Variants in FAM193A observed in about 807,000 individuals in gnomAD.
FAM193A encodes the protein family with sequence similarity 193 member A.
In FAM193A, 22 loss-of-function variants were observed where a neutral mutation model predicts 126.5. The ratio of observed to expected loss-of-function variants is 0.17; its 90% confidence interval spans 0.12 to 0.25. The LOEUF (loss-of-function observed/expected upper bound fraction) is 0.25, where lower values mean the gene tolerates loss of function less well. FAM193A is among the 10% of genes least tolerant of loss of function. The pLI, the probability that FAM193A is intolerant of heterozygous loss-of-function variation, is 1.00. For missense variants in FAM193A, 1,675 were observed against 1,672.8 expected (o/e 1.00, Z -0.02); for synonymous variants, 761 against 646.8 (o/e 1.18, Z -2.68).
chr4:2,696,765 G>T (rs1313059622), intron 18 of FAM193A, among the ~76,000 whole-genome samples, 172 bp downstream of exon 18: 1 of 152,192 alleles, frequency 6.6e-6, no homozygotes, highest in East Asian at 1.9e-4. Context: ...GCCTGAACTG[G>T]AGACTGGTAA....
At chr4:2,709,108 A>G (rs542101298) in intron 19 of FAM193A, among the ~76,000 whole-genome samples, 43 of 152,216 alleles carry the variant, frequency 2.8e-4, no homozygotes, top group Middle Eastern at 3.4e-3. Context: ...TTTCATTAGG[A>G]ATGGGTGTTA....
At chr4:2,705,648 G>A (rs1718218884) in intron 19 of FAM193A, among the ~76,000 whole-genome samples, 1 of 151,806 alleles carries the variant, frequency 6.6e-6, no homozygotes, top group South Asian at 2.1e-4. Context: ...AGAGTGTGGT[G>A]GTGCGGTCAT....
chr4:2,588,102 T>C (rs899153898), intron 1 of FAM193A, among the ~76,000 whole-genome samples: 9 of 152,166 alleles, frequency 5.9e-5, no homozygotes, highest in Non-Finnish European at 1.2e-4. Flanking sequence ...AGTCTGTGAA[T>C]ACCCATCTTC....
At chr4:2,564,703 T>C (rs1277293204) in intron 1 of FAM193A, among the ~76,000 whole-genome samples, 2 of 152,180 alleles carry the variant, frequency 1.3e-5, no homozygotes, top group Non-Finnish European at 2.9e-5. Flanking sequence ...TTTGGAGTAT[T>C]CATAGAATCA....
chr4:2,656,902 C>T (rs1213064890), intron 7 of FAM193A, among the ~76,000 whole-genome samples: 6 of 152,212 alleles, frequency 3.9e-5, no homozygotes, highest in Admixed American at 6.5e-5. Flanking sequence ...CACAGTGGCT[C>T]ACGCTTATAA....
intron 1 of FAM193A, among the ~76,000 whole-genome samples, chr4:2,590,492 A>C (rs78488317): frequency 0.067 from 6,347 of 94,068 alleles, 1,251 homozygotes; most frequent in East Asian, 0.09. Context: ...AAAACAAAAA[A>C]AAACAAAAAA....
At chr4:2,653,817 A>G (rs536472853) in intron 7 of FAM193A, among the ~76,000 whole-genome samples, 66 of 152,304 alleles carry the variant, frequency 4.3e-4, no homozygotes, top group African/African-American at 1.5e-3. Flanking sequence ...AATTGAGGGA[A>G]ATTGAGCCAC....
chr4:2,620,836 C>CAAAAAAAAAAAAAAAAAAAAAAA (rs34305537), intron 2 of FAM193A, among the ~76,000 whole-genome samples: 11 of 69,088 alleles, frequency 1.6e-4, no homozygotes, highest in South Asian at 4.9e-4. Flanking sequence ...AACTCCGTCT[C>CAAAAAAAAAAAAAAAAAAAAAAA]AAAAAAAAAA....
At chr4:2,616,885 G>A (rs1742220785) in intron 2 of FAM193A, among the ~76,000 whole-genome samples, 1 of 147,204 alleles carries the variant, frequency 6.8e-6, no homozygotes, top group Admixed American at 6.7e-5. Flanking sequence ...AATATTTTAA[G>A]TGGCTGGGCG....
intron 2 of FAM193A, among the ~76,000 whole-genome samples, chr4:2,605,551 A>G (rs1741484840): frequency 6.6e-6 from 1 of 152,250 alleles, no homozygotes; most frequent in Non-Finnish European, 1.5e-5. Flanking sequence ...TGGAGCACAC[A>G]TGACATTCTG....
At chr4:2,593,396 C>A (rs1740677801) in intron 1 of FAM193A, among the ~76,000 whole-genome samples, 1 of 152,228 alleles carries the variant, frequency 6.6e-6, no homozygotes, top group Admixed American at 6.5e-5. Context: ...CTGGGCTCCC[C>A]ACAAGGTACA....
At chr4:2,549,159 G>C (rs1737751804) in intron 1 of FAM193A, among the ~76,000 whole-genome samples, 1 of 151,604 alleles carries the variant, frequency 6.6e-6, no homozygotes, top group Non-Finnish European at 1.5e-5. Flanking sequence ...TGCTCGTCTT[G>C]AACTCCTGAC....
At chr4:2,643,378 A>G (rs1449131158) in intron 6 of FAM193A, among the ~76,000 whole-genome samples, 1 of 152,206 alleles carries the variant, frequency 6.6e-6, no homozygotes, top group African/African-American at 2.4e-5. Context: ...GTACAATTCA[A>G]TGACTTTTGA....
chr4:2,643,266 A>G (rs1424210037), intron 6 of FAM193A, among the ~76,000 whole-genome samples: 1 of 152,178 alleles, frequency 6.6e-6, no homozygotes, highest in Non-Finnish European at 1.5e-5. Flanking sequence ...ACAGATACGC[A>G]TTTAACAATT....
intron 1 of FAM193A, among the ~76,000 whole-genome samples, chr4:2,591,788 TAC>T (rs1740584030): frequency 6.6e-6 from 1 of 152,154 alleles, no homozygotes; most frequent in Admixed American, 6.5e-5. Flanking sequence ...TCTTTTATGA[TAC>T]ACACACACCT....
At chr4:2,662,524 C>T (rs867243935) in intron 10 of FAM193A, among the ~76,000 whole-genome samples, 5 of 152,176 alleles carry the variant, frequency 3.3e-5, no homozygotes, top group African/African-American at 1.2e-4. Context: ...TTTATACCAG[C>T]GCTCTTCAGG....
chr4:2,695,642 A>G (rs2109290618), intron 17 of FAM193A, among the ~76,000 whole-genome samples: 1 of 152,296 alleles, frequency 6.6e-6, no homozygotes, highest in African/African-American at 2.4e-5. Flanking sequence ...TAAAATGTTC[A>G]CATGTTTTTA....
intron 20 of FAM193A, among the ~76,000 whole-genome samples, chr4:2,721,550 C>T (rs1199586213): frequency 6.6e-6 from 1 of 152,156 alleles, no homozygotes; most frequent in Non-Finnish European, 1.5e-5. Flanking sequence ...CACTAAACTA[C>T]AAAGAGGTCT....
chr4:2,569,980 A>G (rs1739194309), intron 1 of FAM193A, among the ~76,000 whole-genome samples: 1 of 152,098 alleles, frequency 6.6e-6, no homozygotes, highest in African/African-American at 2.4e-5. Context: ...TCTCATTCAG[A>G]TGCTCTTGAA....
Sources: gnomAD v4.1 joint callset for allele counts (sites outside exome capture counted in the v4.1 genomes callset) on GRCh38, gnomAD v4.1.1 for gene constraint, MANE v1.5 for transcripts, NCBI Gene and HGNC (gene_info 2026-07-23, HGNC 2026-07-21) for gene names.